LRRC4C: variants seen among roughly 807,000 people sequenced by gnomAD.
LRRC4C encodes the protein leucine-rich repeat-containing protein 4C.
Under a neutral mutation model 33.6 loss-of-function variants are expected in LRRC4C, and 5 were observed. That is an observed-to-expected ratio of 0.15 (90% CI 0.08 to 0.31). The LOEUF is 0.31. Among genes scored for constraint, LRRC4C ranks in the 10% least tolerant of loss-of-function variants. The probability of loss-of-function intolerance (pLI) is 1.00; values close to 1 mark genes in which losing one functional copy is unlikely to be tolerated. For synonymous variants in LRRC4C, 329 were observed against 302.0 expected (o/e 1.09, Z -0.93); for missense variants, 560 against 796.7 (o/e 0.70, Z 3.58).
intron 1 of LRRC4C, among the ~76,000 whole-genome samples, chr11:41,237,655 A>T (rs574859010): frequency 1.3e-5 from 2 of 152,324 alleles, no homozygotes; most frequent in Middle Eastern, 6.8e-3. Flanking sequence ...CAAAAGCACC[A>T]TCAATGTTTC....
intron 1 of LRRC4C, among the ~76,000 whole-genome samples, chr11:41,242,813 T>C (rs1023276477): frequency 6.6e-6 from 1 of 152,204 alleles, no homozygotes; most frequent in Admixed American, 6.5e-5. Flanking sequence ...ATTATGGAAA[T>C]AAGCTATACC....
chr11:41,163,029 G>A (rs1258066922), intron 1 of LRRC4C, among the ~76,000 whole-genome samples: 1 of 152,052 alleles, frequency 6.6e-6, no homozygotes, highest in Non-Finnish European at 1.5e-5. Flanking sequence ...CTCCCATACT[G>A]TTCTTGTGGT....
At position 40,577,176 on chromosome 11, in the gene LRRC4C, G is replaced by A. The variant is rs1301289507; in HGVS notation, c.-270+70966C>T. ...CACTAGGAGAGAAGGATATTTAGACGTTTAGAAAAAGAGCAACCCAAAATT... is the reference window on the plus strand; with the variant it reads ...CACTAGGAGAGAAGGATATTTAGACATTTAGAAAAAGAGCAACCCAAAATT... On this transcript the variant is annotated intron_variant, in intron 3 of 6. Transcript: ENST00000528697. Among the ~76,000 whole-genome samples the A allele has an allele frequency of 7.2e-5, 11 of 152,234 alleles. No homozygotes were observed. The East Asian group carries it at 2.1e-3, about 29-fold the overall frequency.
Position 40,531,735 on chromosome 11 carries a change from A to T in LRRC4C, c.-270+116407T>A, listed in dbSNP as rs10437645. On this transcript the variant is annotated intron_variant, in intron 3 of 6. Coordinates refer to ENST00000528697, the MANE Select transcript of LRRC4C (RefSeq NM_001258419.2). ...TATTATTGAGATGAAACAATGAGAG[A>T]GGAGGAGGCTTTGTCAGCTGAATCA... Among the ~76,000 whole-genome samples the T allele has an allele frequency of 7.7e-3, 1,168 of 151,904 alleles. 17 individuals are homozygous for T. The highest frequency in any genetic ancestry group is 0.026 in the African/African-American group (1,088 of 41,370).
At chr11:40,453,094 A>G (rs1951966197) in intron 3 of LRRC4C, among the ~76,000 whole-genome samples, 1 of 152,090 alleles carries the variant, frequency 6.6e-6, no homozygotes, top group Non-Finnish European at 1.5e-5. Flanking sequence ...TGACGAGTTA[A>G]TGGGTGCAGC....
chr11:41,402,534 G>T (rs1480226436), intron 1 of LRRC4C, among the ~76,000 whole-genome samples: 2 of 151,992 alleles, frequency 1.3e-5, no homozygotes, highest in Non-Finnish European at 2.9e-5. Context: ...AAGACATGCT[G>T]ATTGCTTTCA....
chr11:40,307,568 C>T (rs1046771480), intron 4 of LRRC4C, among the ~76,000 whole-genome samples: 4 of 152,286 alleles, frequency 2.6e-5, no homozygotes, highest in Non-Finnish European at 4.4e-5. Flanking sequence ...TGTTCAATCA[C>T]GACCTTTGCC....
Position 40,197,091 on chromosome 11 carries a change from T to C in LRRC4C, c.-96+44428A>G, listed in dbSNP as rs117727582. On this transcript the variant is annotated intron_variant, in intron 5 of 6. Transcript: ENST00000528697. Reference sequence around the variant, plus strand: ...AAATAACTAATCCAGAACCCGATACTCTTTTATAATCTATTAGCTTCACTC... The same window carrying C: ...AAATAACTAATCCAGAACCCGATACCCTTTTATAATCTATTAGCTTCACTC... 1.5e-3 allele frequency among the ~76,000 whole-genome samples: 232 copies of C among 152,296 alleles called. 7 individuals carry two copies. The East Asian group carries it at 0.034, about 22-fold the overall frequency.
intron 2 of LRRC4C, among the ~76,000 whole-genome samples, chr11:40,698,268 C>A (rs977540872): frequency 4.6e-5 from 7 of 151,958 alleles, no homozygotes; most frequent in Admixed American, 3.9e-4. Context: ...ATTTTAAAAG[C>A]TTTTCTCTTT....
At chr11:40,665,281 C>T (rs1194269668) in intron 2 of LRRC4C, among the ~76,000 whole-genome samples, 4 of 105,264 alleles carry the variant, frequency 3.8e-5, no homozygotes, top group African/African-American at 1.4e-4. Flanking sequence ...TTGAGAAGAA[C>T]CCAAAGCCCT....
intron 3 of LRRC4C, among the ~76,000 whole-genome samples, chr11:40,458,746 G>T (rs1403031999): frequency 6.6e-6 from 1 of 152,080 alleles, no homozygotes; most frequent in Non-Finnish European, 1.5e-5. Context: ...AATCACTTTG[G>T]AAATCCAAAA....
chr11:40,755,581 G>A (rs547600653), intron 2 of LRRC4C, among the ~76,000 whole-genome samples: 3 of 152,100 alleles, frequency 2.0e-5, no homozygotes, highest in Admixed American at 2.0e-4. Context: ...ATTTGGCAAT[G>A]CCTGGAGATA....
intron 1 of LRRC4C, among the ~76,000 whole-genome samples, chr11:41,205,320 T>C (rs890907743): frequency 3.3e-5 from 5 of 152,192 alleles, no homozygotes; most frequent in Admixed American, 2.6e-4. Context: ...TTTATATTTT[T>C]CTCTGATTAT....
intron 1 of LRRC4C, among the ~76,000 whole-genome samples, chr11:41,273,388 GA>G (rs1303015162): frequency 2.0e-5 from 3 of 152,128 alleles, no homozygotes; most frequent in East Asian, 1.9e-4. Context: ...AAAATATGTG[GA>G]TACAATGGCA....
intron 2 of LRRC4C, among the ~76,000 whole-genome samples, chr11:40,761,753 C>T (rs545401173): frequency 6.6e-6 from 1 of 152,250 alleles, no homozygotes; most frequent in South Asian, 2.1e-4. Context: ...AGTTTTTGGT[C>T]AGCTGCTGTA....
chr11:40,140,977 T>A (rs189191131), intron 5 of LRRC4C, 124 bp from the exon 6 acceptor site: 8 of 152,942 alleles, frequency 5.2e-5, no homozygotes, highest in African/African-American at 1.9e-4. Flanking sequence ...ATTTATTGAA[T>A]TGCCACTGTA....
intron 6 of LRRC4C, among the ~76,000 whole-genome samples, chr11:40,133,978 G>A (rs1263944428): frequency 6.6e-6 from 1 of 152,180 alleles, no homozygotes; most frequent in Non-Finnish European, 1.5e-5. Flanking sequence ...TCACAGGTGA[G>A]TAAGCCAGGA....
At chr11:41,115,212 A>C (rs1942052358) in intron 1 of LRRC4C, among the ~76,000 whole-genome samples, 1 of 152,130 alleles carries the variant, frequency 6.6e-6, no homozygotes, top group African/African-American at 2.4e-5. Context: ...GAGCTAAAGG[A>C]AAAGCAGGAC....
At chr11:41,079,357 A>G (rs1430652020) in intron 1 of LRRC4C, among the ~76,000 whole-genome samples, 3 of 152,200 alleles carry the variant, frequency 2.0e-5, no homozygotes, top group South Asian at 2.1e-4. Context: ...GCATGAATAC[A>G]AAAGTCCAGA....
Sources: gnomAD v4.1 joint callset for allele counts (sites outside exome capture counted in the v4.1 genomes callset) on GRCh38, gnomAD v4.1.1 for gene constraint, MANE v1.5 for transcripts, NCBI Gene and HGNC (gene_info 2026-07-23, HGNC 2026-07-21) for gene names.